LDAH: variants seen among roughly 807,000 people sequenced by gnomAD.
LDAH encodes the protein lipid droplet-associated hydrolase.
In LDAH, 26 loss-of-function variants were observed where a neutral mutation model predicts 29.6. The observed-to-expected ratio is 0.88, with a 90% CI of 0.64 to 1.22. LDAH has a LOEUF of 1.22. Ranked by LOEUF, LDAH falls within the 50% of genes most tolerant of loss-of-function variation. The pLI is 0.00. For synonymous variants in LDAH, 117 were observed against 133.0 expected (o/e 0.88, Z 0.83); for missense variants, 344 against 387.3 (o/e 0.89, Z 0.94).
chr2:20,786,653 A>C (rs889197748), intron 3 of LDAH, among the ~76,000 whole-genome samples: 1 of 152,164 alleles, frequency 6.6e-6, no homozygotes, highest in African/African-American at 2.4e-5. Context: ...ACTATTATTA[A>C]GGTAGAGGCC....
chr2:20,710,698 C>CAT (rs1403320841), intron 5 of LDAH, among the ~76,000 whole-genome samples: 2 of 144,168 alleles, frequency 1.4e-5, no homozygotes, highest in Admixed American at 7.0e-5. Context: ...ATATATTATA[C>CAT]ATATATACAC....
rs746735962 is a variant in LDAH, at chr2:20,687,007, G to A, written c.874C>T (p.Arg292Ter). The stretch of plus-strand genomic sequence containing the variant: ...TGAGGTATGTTTTTCTCACAGAGTC[G>A]AATGTCTCCTTCTGGAAAATCCTTC... Reference protein sequence around the residue: ...IKKDFPEGDIRLCEKNIPHAF... With the variant: ...IKKDFPEGDI The change falls in exon 7 of 7, where the codon CGA becomes TGA. Residue 292 changes from arginine (R) to a stop codon, truncating the protein, a stop_gained. Transcript: ENST00000237822. LOFTEE classifies it low-confidence loss of function (END_TRUNC). 1.1e-5 allele frequency: 17 copies of A among 1,613,980 alleles called. No homozygotes were observed. Among genetic ancestry groups the A allele is most frequent in the African/African-American group, 1.3e-5 (1 of 74,992 alleles).
At chr2:20,713,793 C>T (rs139383463) in intron 5 of LDAH, among the ~76,000 whole-genome samples, 2,147 of 152,182 alleles carry the variant, frequency 0.014, 20 homozygotes, top group Non-Finnish European at 0.02. Context: ...AAGGCCATTA[C>T]GTAACGGTAA....
At chr2:20,761,860 A>G (rs1668711809) in intron 4 of LDAH, among the ~76,000 whole-genome samples, 1 of 152,098 alleles carries the variant, frequency 6.6e-6, no homozygotes, top group South Asian at 2.1e-4. Context: ...ATCACCTTAA[A>G]AGAAAAAAAA....
rs1382932892 is a variant in LDAH at position 20,685,730 on chromosome 2, A to G, written c.*1173T>C. On this transcript the variant is annotated 3_prime_UTR_variant, in exon 7 of 7. Coordinates refer to ENST00000237822, the MANE Select transcript of LDAH (RefSeq NM_021925.4). ...GTATGTGGTTCTCAAGATTGAGTCA[A>G]TTTAGGGGAGGCAGCAATATTGTCA... 2.7e-6 allele frequency: 4 copies of G among 1,494,094 alleles called. No individual in the cohort carries two copies. The highest frequency in any genetic ancestry group is 2.5e-5 in the East Asian group (1 of 40,158). The allele number at this position is 1,494,094 out of a possible 1,614,324, so 92.6% of individuals were successfully genotyped here.
chr2:20,758,369 T>C (rs987891357), intron 4 of LDAH, among the ~76,000 whole-genome samples: 2 of 152,152 alleles, frequency 1.3e-5, no homozygotes, highest in Non-Finnish European at 2.9e-5. Context: ...AAATGGAAAT[T>C]TTATAGGCAA....
At position 20,701,602 on chromosome 2, in the gene LDAH, C is replaced by T; in HGVS notation, c.754G>A (p.Asp252Asn). The T allele has an allele frequency of 6.2e-7, 1 of 1,614,148 alleles. No homozygotes were observed. Among genetic ancestry groups the T allele is most frequent in the Non-Finnish European group, 8.5e-7 (1 of 1,180,014 alleles). Residue 252 changes from aspartate to asparagine, a missense_variant, in exon 6 of 7, where the codon GAT (aspartate) becomes AAT (asparagine). Coordinates refer to ENST00000237822, the MANE Select transcript of LDAH (RefSeq NM_021925.4). ...AAATGCTCCTTTATGGTTTCGTCAT[C>T]TCTCTTCACCACCTCCATCATTTCT... ...GQEMMEVVKR[D>N]DETIKEHLCK... is the part of the protein sequence containing the mutation.
chr2:20,731,257 A>G (rs1316315719), intron 5 of LDAH, among the ~76,000 whole-genome samples: 1 of 152,174 alleles, frequency 6.6e-6, no homozygotes, highest in East Asian at 1.9e-4. Context: ...ATGGTTTCTC[A>G]TGACTTAACA....
chr2:20,773,868 C>T (rs1455316422), intron 4 of LDAH, among the ~76,000 whole-genome samples: 3 of 152,138 alleles, frequency 2.0e-5, no homozygotes, highest in African/African-American at 7.2e-5. Context: ...GAAGCGATCA[C>T]GTCCTATCTT....
At chr2:20,749,881 C>G (rs1667840277) in intron 4 of LDAH, among the ~76,000 whole-genome samples, 1 of 152,166 alleles carries the variant, frequency 6.6e-6, no homozygotes, top group African/African-American at 2.4e-5. Context: ...TCACAGGTCT[C>G]TGAAGGGGGT....
intron 5 of LDAH, among the ~76,000 whole-genome samples, chr2:20,726,755 T>G (rs1229182850): frequency 1.3e-5 from 2 of 152,230 alleles, no homozygotes; most frequent in African/African-American, 4.8e-5. Flanking sequence ...CTGTGGTCAT[T>G]ACGATAATCA....
At chr2:20,770,178 A>T (rs111656572) in intron 4 of LDAH, among the ~76,000 whole-genome samples, 1,617 of 152,296 alleles carry the variant, frequency 0.011, 30 homozygotes, top group African/African-American at 0.036. Flanking sequence ...ATTTTAGACA[A>T]ATTTTTATCC....
At chr2:20,781,404 G>A (rs1459768562) in intron 3 of LDAH, among the ~76,000 whole-genome samples, 2 of 152,180 alleles carry the variant, frequency 1.3e-5, no homozygotes, top group Non-Finnish European at 2.9e-5. Flanking sequence ...AACATTTGAT[G>A]TGTGGTAATA....
chr2:20,759,264 T>C (rs1313526055), intron 4 of LDAH, among the ~76,000 whole-genome samples: 1 of 152,160 alleles, frequency 6.6e-6, no homozygotes, highest in Admixed American at 6.5e-5. Context: ...TCTGGCTTCC[T>C]AGGGAGAGGT....
In LDAH at chr2:20,686,580, T is replaced by C. The variant is rs1026263508; in HGVS notation, c.*323A>G. The C allele has an allele frequency of 5.0e-6, 1 of 199,586 alleles. No homozygotes were observed. The highest frequency in any genetic ancestry group is 2.3e-5 in the African/African-American group (1 of 43,198). 12.4% of individuals were successfully genotyped at this position (199,586 alleles called of 1,614,324 possible). A position where few individuals can be genotyped will look rare whatever the true frequency, so the allele number is the denominator to read the frequency against. Reference sequence around the variant, plus strand: ...TAACTCAATTAAAATCAAGTACATGTAGATTTTTTTTTCATCTGCAAAGAT... The same window carrying C: ...TAACTCAATTAAAATCAAGTACATGCAGATTTTTTTTTCATCTGCAAAGAT... On this transcript the variant is annotated 3_prime_UTR_variant, in exon 7 of 7. Coordinates refer to ENST00000237822, the MANE Select transcript of LDAH (RefSeq NM_021925.4).
Position 20,739,991 on chromosome 2 carries a change from A to G in LDAH, c.683T>C (p.Ile228Thr), listed in dbSNP as rs1451896397. The change falls in exon 5 of 7, where the codon ATA (isoleucine) becomes ACA (threonine). Residue 228 changes from isoleucine (I) to threonine (T), a missense_variant. Coordinates refer to ENST00000237822, the MANE Select transcript of LDAH (RefSeq NM_021925.4). The part of the protein sequence containing the change: ...NLENEFSPLN[I>T]LEPFCLANAA... ...CTTACCAAGGCAGAATGGTTCTAAT[A>G]TATTCAATGGTGAAAATTCATTCTC... 2 of 1,612,866 alleles carry G rather than the reference A, an allele frequency of 1.2e-6. No individual in the cohort carries two copies. The highest frequency in any genetic ancestry group is 2.7e-5 in the African/African-American group (2 of 74,938).
chr2:20,685,010 G>C lies in LDAH; in HGVS notation c.*1893C>G. 6.6e-7 allele frequency: 1 copy of C among 1,511,994 alleles called. No homozygotes were observed. The highest frequency in any genetic ancestry group is 1.3e-5 in the South Asian group (1 of 78,856). The allele number at this position is 1,511,994 out of a possible 1,614,324, so 93.7% of individuals were successfully genotyped here. On this transcript the variant is annotated 3_prime_UTR_variant, in exon 7 of 7. Coordinates refer to ENST00000237822, the MANE Select transcript of LDAH (RefSeq NM_021925.4). ...CTAACTCAGGAGAACTGCTCAAATT[G>C]TACCCTCTCTTGCCCAACACAGAGA...
chr2:20,769,361 T>A (rs1669255744), intron 4 of LDAH, among the ~76,000 whole-genome samples: 1 of 152,206 alleles, frequency 6.6e-6, no homozygotes, highest in Admixed American at 6.5e-5. Context: ...AATCTAGGGA[T>A]AGGATTCTGA....
At chr2:20,811,966 G>A (rs1189488205) in intron 1 of LDAH, among the ~76,000 whole-genome samples, 2 of 152,150 alleles carry the variant, frequency 1.3e-5, no homozygotes, top group African/African-American at 4.8e-5. Flanking sequence ...GAGAGTCTTG[G>A]TAATGATATG....
Sources: allele counts gnomAD v4.1 joint callset (sites outside exome capture counted in the v4.1 genomes callset), GRCh38; gene constraint gnomAD v4.1.1; transcripts MANE v1.5; gene names NCBI Gene and HGNC (gene_info 2026-07-23, HGNC 2026-07-21).